Variants in MAN1A1 observed in about 807,000 individuals in gnomAD.
MAN1A1 encodes mannosidase alpha class 1A member 1.
Under a neutral mutation model 70.8 loss-of-function variants are expected in MAN1A1, and 29 were observed. The ratio of observed to expected loss-of-function variants is 0.41; its 90% CI spans 0.31 to 0.56. The LOEUF (loss-of-function observed/expected upper bound fraction) is 0.56, where lower values mean the gene tolerates loss of function less well. Among genes scored for constraint, MAN1A1 ranks in the 20% least tolerant of loss-of-function variants. The pLI is 0.29. For missense variants in MAN1A1, 747 were observed against 841.3 expected (o/e 0.89, Z 1.39); for synonymous variants, 349 against 330.1 (o/e 1.06, Z -0.62).
At chr6:119,194,512 C>T (rs965430889) in intron 8 of MAN1A1, among the ~76,000 whole-genome samples, 12 of 152,184 alleles carry the variant, frequency 7.9e-5, no homozygotes, top group South Asian at 4.1e-4. Flanking sequence ...TTTGTAGAGA[C>T]GGCATCTTGC....
chr6:119,220,728 T>C lies in MAN1A1; in HGVS notation c.993-15846A>G, dbSNP rs570654571. On this transcript the variant is annotated intron_variant, in intron 6 of 12. Transcript: ENST00000368468. ...ACACCAGGTCTGACTAGTTTAACAA[T>C]GTGTGCTCTGCTTTTTTCAGATACT... Among the ~76,000 whole-genome samples the C allele has an allele frequency of 5.9e-5, 9 of 152,326 alleles. 1 individual carries two copies. In the South Asian group the frequency reaches 1.9e-3, roughly 32 times the overall value.
chr6:119,178,245 C>G lies in MAN1A1; in HGVS notation c.*1574G>C, dbSNP rs1162353135. On this transcript the variant is annotated 3_prime_UTR_variant, in exon 13 of 13. Coordinates refer to ENST00000368468, the MANE Select transcript of MAN1A1 (RefSeq NM_005907.4). ...GCTAAAATAACTAAAACTATTAAGC[C>G]TATTGATAGCTAAGAAAATAATTGT... 1.3e-5 allele frequency: 2 copies of G among 152,088 alleles called. No homozygotes were observed. Among genetic ancestry groups the G allele is most frequent in the Non-Finnish European group, 2.9e-5 (2 of 67,952 alleles). 9.4% of individuals were successfully genotyped at this position (152,088 alleles called of 1,614,324 possible).
At position 119,306,996 on chromosome 6, in the gene MAN1A1, A is replaced by C. The variant is rs751732416; in HGVS notation, c.604-4T>G. ...TATTCCAAGCATGTTTCATCATCTG[A>C]AAAAAAAAATAAAAACAGGATTATA... is the stretch of plus-strand genomic sequence containing the variant. On this transcript the variant is annotated splice_polypyrimidine_tract_variant and splice_region_variant and intron_variant, in intron 2 of 12. Coordinates refer to ENST00000368468, the MANE Select transcript of MAN1A1 (RefSeq NM_005907.4). 1.4e-5 allele frequency: 19 copies of C among 1,381,498 alleles called. No individual in the cohort carries two copies. The highest frequency in any genetic ancestry group is 1.6e-5 in the Non-Finnish European group (16 of 994,696). The allele number at this position is 1,381,498 out of a possible 1,614,324, so 85.6% of individuals were successfully genotyped here. A position where few individuals can be genotyped will look rare whatever the true frequency, so the allele number is the denominator to read the frequency against.
intron 6 of MAN1A1, among the ~76,000 whole-genome samples, chr6:119,214,334 C>A (rs921502851): frequency 5.3e-5 from 8 of 151,970 alleles, no homozygotes; most frequent in African/African-American, 1.9e-4. Flanking sequence ...CTGGTAGCCT[C>A]TTAATAATGA....
chr6:119,234,693 G>A (rs1033737125), intron 6 of MAN1A1, among the ~76,000 whole-genome samples: 8 of 152,146 alleles, frequency 5.3e-5, no homozygotes, highest in African/African-American at 1.7e-4. Context: ...AGATGACAGA[G>A]TATGAGTCAC....
At chr6:119,204,526 A>G (rs1034999000) in intron 7 of MAN1A1, among the ~76,000 whole-genome samples, 9 of 152,332 alleles carry the variant, frequency 5.9e-5, no homozygotes, top group African/African-American at 2.2e-4. Context: ...ACTTAAGGTA[A>G]AGGGAACCAG....
intron 2 of MAN1A1, among the ~76,000 whole-genome samples, chr6:119,320,244 T>C (rs921703507): frequency 1.3e-5 from 2 of 152,214 alleles, no homozygotes. Flanking sequence ...AGTGCTGGGA[T>C]TACAGGCATG....
intron 3 of MAN1A1, among the ~76,000 whole-genome samples, chr6:119,304,966 A>G (rs991804773): frequency 2.0e-5 from 3 of 152,162 alleles, no homozygotes; most frequent in Admixed American, 6.6e-5. Flanking sequence ...ATAAAAATGA[A>G]AACTTTGTAT....
intron 8 of MAN1A1, among the ~76,000 whole-genome samples, chr6:119,200,689 G>C (rs529524936): frequency 3.3e-5 from 5 of 152,210 alleles, no homozygotes; most frequent in South Asian, 4.1e-4. Flanking sequence ...TTAAGTGCAG[G>C]CTTCTAGGAT....
chr6:119,239,287 TACTTACGCGCAGCTGCACATTA>T (rs1250418297), intron 6 of MAN1A1, among the ~76,000 whole-genome samples: 4 of 152,254 alleles, frequency 2.6e-5, no homozygotes, highest in Non-Finnish European at 4.4e-5. Context: ...GCACTGCCTG[TACTTACGCGCAGCTGCACATTA>T]ATTTCCAGAT....
At chr6:119,339,194 A>G (rs1773540661) in intron 2 of MAN1A1, among the ~76,000 whole-genome samples, 2 of 152,242 alleles carry the variant, frequency 1.3e-5, no homozygotes, top group South Asian at 4.1e-4. Context: ...ACATGGGAGT[A>G]TAAATGGTTT....
At chr6:119,261,192 G>C (rs543287640) in intron 5 of MAN1A1, among the ~76,000 whole-genome samples, 1 of 152,002 alleles carries the variant, frequency 6.6e-6, no homozygotes, top group East Asian at 1.9e-4. Context: ...TGTTGGCCAG[G>C]ATGGTCTCGA....
chr6:119,303,624 C>T (rs1772453548), intron 3 of MAN1A1, among the ~76,000 whole-genome samples: 1 of 152,128 alleles, frequency 6.6e-6, no homozygotes, highest in African/African-American at 2.4e-5. Context: ...TATGTGCTTA[C>T]TAAGAAGTTC....
chr6:119,210,427 TAAAA>T (rs148100742), intron 6 of MAN1A1, among the ~76,000 whole-genome samples: 1 of 151,552 alleles, frequency 6.6e-6, no homozygotes, highest in African/African-American at 2.4e-5. Flanking sequence ...ATACACCACT[TAAAA>T]AAAAATCAGT....
intron 5 of MAN1A1, among the ~76,000 whole-genome samples, chr6:119,264,846 T>TA (rs1239406919): frequency 6.6e-6 from 1 of 152,218 alleles, no homozygotes; most frequent in African/African-American, 2.4e-5. Flanking sequence ...TAGCTATTTT[T>TA]ATCTATTTGT....
At chr6:119,261,048 G>A (rs915179371) in intron 5 of MAN1A1, among the ~76,000 whole-genome samples, 3 of 139,368 alleles carry the variant, frequency 2.2e-5, no homozygotes, top group African/African-American at 5.4e-5. Context: ...GTGCGATCTC[G>A]GCTCACTGCA....
chr6:119,340,673 C>A (rs1008192600), intron 2 of MAN1A1, among the ~76,000 whole-genome samples: 3 of 152,104 alleles, frequency 2.0e-5, no homozygotes, highest in South Asian at 2.1e-4. Context: ...ATTAAACCAC[C>A]CTTTCAGAAC....
At chr6:119,304,556 A>C (rs1168447187) in intron 3 of MAN1A1, among the ~76,000 whole-genome samples, 2 of 152,180 alleles carry the variant, frequency 1.3e-5, no homozygotes, top group African/African-American at 4.8e-5. Flanking sequence ...TTTCCTGCTT[A>C]AGATGGAATT....
chr6:119,280,261 A>C (rs1286683803), intron 5 of MAN1A1, among the ~76,000 whole-genome samples: 1 of 152,226 alleles, frequency 6.6e-6, no homozygotes, highest in Admixed American at 6.5e-5. Context: ...GCTGCTACTC[A>C]GTAGCTGGGA....
Sources: allele counts gnomAD v4.1 joint callset (sites outside exome capture counted in the v4.1 genomes callset), GRCh38; gene constraint gnomAD v4.1.1; transcripts MANE v1.5; gene names NCBI Gene and HGNC (gene_info 2026-07-23, HGNC 2026-07-21).